Variants in KYNU observed in about 807,000 individuals in gnomAD.
KYNU encodes kynureninase, also known as L-kynurenine hydrolase.
KYNU carries 54 observed loss-of-function variants against 59.2 expected under a neutral mutation model. The observed-to-expected ratio is 0.91, with a 90% CI of 0.73 to 1.14. KYNU has a LOEUF of 1.14. KYNU is among the 50% of genes most tolerant of loss of function. KYNU has a pLI of 0.00. For synonymous variants in KYNU, 177 were observed against 192.0 expected, an observed-to-expected ratio of 0.92 and a Z score of 0.65; for missense variants, 567 against 554.4, an observed-to-expected ratio of 1.02 and a Z score of -0.23.
chr2:143,014,780 A>G (rs1320210337), intron 10 of KYNU, among the ~76,000 whole-genome samples: 3 of 152,234 alleles, frequency 2.0e-5, no homozygotes, highest in Non-Finnish European at 4.4e-5. Context: ...ATAGGATATG[A>G]GTAGTTGTCT....
chr2:142,995,390 G>A (rs1010908282), intron 10 of KYNU, among the ~76,000 whole-genome samples: 13 of 152,016 alleles, frequency 8.6e-5, no homozygotes, highest in Admixed American at 8.5e-4. Flanking sequence ...ACAGAACCAA[G>A]TGAAGCACTA....
At chr2:142,932,799 G>A (rs543568158) in intron 4 of KYNU, among the ~76,000 whole-genome samples, 93 of 152,016 alleles carry the variant, frequency 6.1e-4, no homozygotes, top group African/African-American at 1.8e-3. Flanking sequence ...CCAGCATGCC[G>A]GCGTCCTTGC....
intron 4 of KYNU, among the ~76,000 whole-genome samples, chr2:142,932,280 CT>C (rs1287236401): frequency 6.6e-6 from 1 of 152,136 alleles, no homozygotes; most frequent in Non-Finnish European, 1.5e-5. Flanking sequence ...AACAAAGCAC[CT>C]TTCCTTGACA....
chr2:142,975,791 T>C (rs1684863774), intron 8 of KYNU, among the ~76,000 whole-genome samples: 1 of 152,354 alleles, frequency 6.6e-6, no homozygotes, highest in Admixed American at 6.5e-5. Context: ...ACTGTTTAGC[T>C]TATCCTTGGA....
At chr2:143,023,570 T>C (rs558455525) in intron 10 of KYNU, among the ~76,000 whole-genome samples, 2 of 151,892 alleles carry the variant, frequency 1.3e-5, no homozygotes, top group Non-Finnish European at 3.0e-5. Flanking sequence ...TAATGTTTGC[T>C]TTATGAGTGT....
intron 4 of KYNU, among the ~76,000 whole-genome samples, chr2:142,936,033 C>T (rs1041667458): frequency 4.6e-5 from 7 of 151,750 alleles, no homozygotes; most frequent in South Asian, 2.1e-4. Context: ...TTAAAGAAGG[C>T]GATTGAGAGA....
intron 2 of KYNU, among the ~76,000 whole-genome samples, chr2:142,897,019 C>T (rs545157333): frequency 6.6e-5 from 10 of 152,132 alleles, no homozygotes; most frequent in Admixed American, 1.3e-4. Flanking sequence ...ACTTCTTTCG[C>T]CCATAATTTA....
intron 10 of KYNU, among the ~76,000 whole-genome samples, chr2:143,020,146 T>C (rs1284871573): frequency 6.6e-6 from 1 of 152,096 alleles, no homozygotes; most frequent in South Asian, 2.1e-4. Context: ...CTTTATTCTA[T>C]CCTTCCTTCT....
chr2:142,967,188 T>A (rs1242020986), intron 8 of KYNU: 1 of 152,112 alleles, frequency 6.6e-6, no homozygotes, highest in East Asian at 1.9e-4. Flanking sequence ...GACCTAGTTG[T>A]TAGGAAGAGC....
chr2:143,036,847 C>T (rs1393846180), intron 12 of KYNU, among the ~76,000 whole-genome samples: 1 of 152,072 alleles, frequency 6.6e-6, no homozygotes, highest in Non-Finnish European at 1.5e-5. Context: ...TTTCAATAAA[C>T]GAAAGAAGTA....
rs1558942904 is a variant in KYNU at position 142,956,233 on chromosome 2, T to C, written c.466T>C (p.Tyr156His). The C allele has an allele frequency of 6.2e-7, 1 of 1,603,708 alleles. No individual in the cohort carries two copies. The highest frequency in any genetic ancestry group is 1.3e-5 in the African/African-American group (1 of 74,796). Residue 156 changes from tyrosine to histidine, a missense_variant, in exon 6 of 14, where the codon TAT (tyrosine) becomes CAT (histidine). Transcript: ENST00000264170. ...LSFFKPTPKRYKILLEAKAFP... is the reference protein window; with the variant it reads ...LSFFKPTPKRHKILLEAKAFP... ...ATTTTTTAAGCCTACGCCAAAACGA[T>C]ATAAAATTCTTCTAGAAGCCAAAGC... is the stretch of plus-strand genomic sequence containing the variant.
intron 10 of KYNU, among the ~76,000 whole-genome samples, chr2:143,025,929 G>A (rs1686541345): frequency 6.6e-6 from 1 of 152,096 alleles, no homozygotes; most frequent in Non-Finnish European, 1.5e-5. Context: ...TTAATCATTT[G>A]CATAATTAAT....
At chr2:142,929,623 T>C (rs1683148527) in intron 4 of KYNU, among the ~76,000 whole-genome samples, 1 of 152,250 alleles carries the variant, frequency 6.6e-6, no homozygotes, top group Middle Eastern at 3.4e-3. Context: ...ACATGTGAAG[T>C]ATCCATAGGT....
intron 2 of KYNU, among the ~76,000 whole-genome samples, chr2:142,892,564 A>G (rs1681749467): frequency 1.3e-5 from 2 of 152,240 alleles, no homozygotes; most frequent in Non-Finnish European, 2.9e-5. Context: ...TAGGGTGAAG[A>G]GTAAATGAGT....
intron 4 of KYNU, chr2:142,946,972 A>G (rs1683806374): frequency 7.1e-7 from 1 of 1,405,086 alleles, no homozygotes; most frequent in South Asian, 1.4e-5. Flanking sequence ...TACTTTTTGT[A>G]TTTCAAATAG....
chr2:142,964,759 T>G (rs1223348832), intron 8 of KYNU: 2 of 152,100 alleles, frequency 1.3e-5, no homozygotes, highest in Non-Finnish European at 2.9e-5. Context: ...ATGACTTTGA[T>G]TCACACAATA....
At chr2:142,996,684 A>T (rs1482901029) in intron 10 of KYNU, among the ~76,000 whole-genome samples, 1 of 152,184 alleles carries the variant, frequency 6.6e-6, no homozygotes, top group Non-Finnish European at 1.5e-5. Context: ...CACATGTGCC[A>T]GTCAGGGGCC....
At chr2:142,942,038 A>G (rs1307117773) in intron 4 of KYNU, among the ~76,000 whole-genome samples, 1 of 151,966 alleles carries the variant, frequency 6.6e-6, no homozygotes, top group Admixed American at 6.6e-5. Context: ...TTACCCAGGC[A>G]TGGTGGTACA....
In KYNU at chr2:143,055,392, C is replaced by T. The variant is rs1687336045; in HGVS notation, c.*13220C>T. The T allele has an allele frequency of 6.6e-6, 1 of 152,184 alleles. No homozygotes were observed. The highest frequency in any genetic ancestry group is 2.1e-4 in the South Asian group (1 of 4,834). The allele number at this position is 152,184 out of a possible 1,614,324, so 9.4% of individuals were successfully genotyped here. On this transcript the variant is annotated 3_prime_UTR_variant, in exon 14 of 14. Transcript: ENST00000264170. The stretch of plus-strand genomic sequence containing the variant: ...GCAACGTTTCATCTCTCTACCTATT[C>T]TTTCATCCTTACATCTTTCTCTAAC...
Sources: gnomAD v4.1 joint callset for allele counts (sites outside exome capture counted in the v4.1 genomes callset) on GRCh38, gnomAD v4.1.1 for gene constraint, MANE v1.5 for transcripts, NCBI Gene and HGNC (gene_info 2026-07-23, HGNC 2026-07-21) for gene names.